Variants in FBXL13 observed in about 807,000 individuals in gnomAD.
The protein encoded by FBXL13 is F-box and leucine-rich repeat protein 13.
FBXL13 carries 67 observed loss-of-function variants against 83.6 expected under a neutral mutation model. That is an observed-to-expected ratio of 0.80 (90% CI 0.66 to 0.98). The LOEUF is 0.98. FBXL13 is among the 50% of genes least tolerant of loss of function. The pLI is 0.00. For missense variants in FBXL13, 822 were observed against 866.5 expected, an observed-to-expected ratio of 0.95 and a Z score of 0.64; for synonymous variants, 272 against 299.5, an observed-to-expected ratio of 0.91 and a Z score of 0.95.
intron 6 of FBXL13, among the ~76,000 whole-genome samples, chr7:103,005,467 A>T (rs187694995): frequency 7.2e-4 from 109 of 152,328 alleles, no homozygotes; most frequent in African/African-American, 2.6e-3. Context: ...TAGTCTGCTT[A>T]GGCTGCCATA....
chr7:102,930,021 TA>T (rs988789424), intron 9 of FBXL13, among the ~76,000 whole-genome samples: 6 of 151,948 alleles, frequency 3.9e-5, no homozygotes, highest in African/African-American at 1.2e-4. Flanking sequence ...CAGTTTGGGC[TA>T]GGGGTGGTGG....
chr7:102,938,816 T>C (rs1820826165), intron 8 of FBXL13, among the ~76,000 whole-genome samples: 1 of 152,230 alleles, frequency 6.6e-6, no homozygotes, highest in Non-Finnish European at 1.5e-5. Flanking sequence ...TTCCTGTGTT[T>C]TTCTAAGCCA....
At chr7:103,048,399 T>C (rs80117608) in intron 2 of FBXL13, among the ~76,000 whole-genome samples, 1 of 26,932 alleles carries the variant, frequency 3.7e-5, no homozygotes, top group Non-Finnish European at 2.8e-4. Flanking sequence ...CTTTCCTTTC[T>C]TTTTTTTTTT....
chr7:102,942,165 T>C (rs1217605109), intron 8 of FBXL13: 2 of 633,818 alleles, frequency 3.2e-6, no homozygotes, highest in Non-Finnish European at 5.6e-6. Context: ...AAATATTTAC[T>C]GAGCACCTAC....
intron 2 of FBXL13, 38 bp from the exon 4 acceptor site, chr7:103,029,456 A>T: frequency 5.3e-6 from 6 of 1,142,680 alleles, no homozygotes; most frequent in Non-Finnish European, 6.1e-6. Flanking sequence ...AAATATTAGA[A>T]ATAAATGGAA....
intron 17 of FBXL13, among the ~76,000 whole-genome samples, chr7:102,834,360 ACTT>A (rs1455792256): frequency 2.4e-4 from 36 of 147,176 alleles, no homozygotes; most frequent in East Asian, 2.0e-4. Context: ...TACTAAAGAT[ACTT>A]CTTATTTATA....
At chr7:102,898,408 A>G (rs925021625) in intron 11 of FBXL13, among the ~76,000 whole-genome samples, 6 of 151,654 alleles carry the variant, frequency 4.0e-5, no homozygotes, top group Non-Finnish European at 5.9e-5. Context: ...TGGCGCAATC[A>G]TGGCTCACCG....
chr7:103,068,955 C>T (rs1798651618), intron 1 of FBXL13, among the ~76,000 whole-genome samples: 1 of 152,242 alleles, frequency 6.6e-6, no homozygotes. Context: ...CCCACGGCCA[C>T]CACGCCATCT....
At chr7:103,039,157 G>C (rs1795395366) in intron 2 of FBXL13, among the ~76,000 whole-genome samples, 1 of 152,176 alleles carries the variant, frequency 6.6e-6, no homozygotes, top group South Asian at 2.1e-4. Context: ...ACCATGGCAT[G>C]AGAACTTCAT....
At chr7:102,829,325 C>CCT (rs1426740286) in intron 18 of FBXL13, among the ~76,000 whole-genome samples, 1 of 152,202 alleles carries the variant, frequency 6.6e-6, no homozygotes, top group East Asian at 1.9e-4. Flanking sequence ...CAGACTCAGA[C>CCT]AAGTTGGTAA....
intron 1 of FBXL13, among the ~76,000 whole-genome samples, chr7:103,072,466 A>G (rs1386228185): frequency 6.6e-6 from 1 of 152,144 alleles, no homozygotes; most frequent in African/African-American, 2.4e-5. Context: ...TAAGCTGGTA[A>G]GGAAGGAATG....
intron 13 of FBXL13, 24 bp downstream of exon 14, chr7:102,883,544 A>G (rs1484727872): frequency 6.3e-7 from 1 of 1,589,288 alleles, no homozygotes. Flanking sequence ...AATAATGCTG[A>G]ACCACATTTT....
In FBXL13 at chr7:102,813,364, CTGTA is replaced by C; in HGVS notation, c.2182_2185del (p.Tyr728AlafsTer35). On this transcript the variant is annotated frameshift_variant, in exon 20 of 20. Transcript: ENST00000313221. LOFTEE classifies it high-confidence loss of function. ...AGGTCACGCTGCTTGGTCTTCACTG[CTGTA>C]TGTTGACTTTTTCACTGTTAATTCT... The C allele has an allele frequency of 6.2e-7, 1 of 1,613,582 alleles. No individual in the cohort carries two copies. Among genetic ancestry groups the C allele is most frequent in the South Asian group, 1.1e-5 (1 of 90,936 alleles).
chr7:102,997,133 G>A (rs1446049097), intron 6 of FBXL13, among the ~76,000 whole-genome samples: 2 of 152,190 alleles, frequency 1.3e-5, no homozygotes, highest in South Asian at 4.2e-4. Flanking sequence ...TATAGTTATT[G>A]AAAGCTTGCC....
At chr7:102,822,315 C>T (rs1345074630) in intron 18 of FBXL13, 112 bp from the exon 20 acceptor site, 16 of 989,090 alleles carry the variant, frequency 1.6e-5, no homozygotes, top group Non-Finnish European at 2.4e-5. Context: ...GTGGCTTAAA[C>T]ATCAAACATT....
chr7:102,919,662 T>C (rs887884925), intron 10 of FBXL13, among the ~76,000 whole-genome samples: 3 of 152,192 alleles, frequency 2.0e-5, no homozygotes, highest in Non-Finnish European at 2.9e-5. Flanking sequence ...TCAAAGTTTA[T>C]GGACCAATAT....
intron 18 of FBXL13, among the ~76,000 whole-genome samples, chr7:102,824,177 T>G (rs1385764754): frequency 1.3e-5 from 2 of 152,212 alleles, no homozygotes; most frequent in African/African-American, 4.8e-5. Context: ...TGGAAACAAC[T>G]TTGCTGCATT....
At chr7:102,896,282 T>C (rs1248041885) in intron 11 of FBXL13, among the ~76,000 whole-genome samples, 1 of 152,136 alleles carries the variant, frequency 6.6e-6, no homozygotes, top group Non-Finnish European at 1.5e-5. Context: ...CTAGATATTA[T>C]GTTGAAAGTA....
intron 16 of FBXL13, among the ~76,000 whole-genome samples, chr7:102,866,731 G>T (rs1402318917): frequency 6.6e-6 from 1 of 152,206 alleles, no homozygotes; most frequent in African/African-American, 2.4e-5. Context: ...CCAGCCCAGA[G>T]CATAGCTGAG....
Sources: allele counts gnomAD v4.1 joint callset (sites outside exome capture counted in the v4.1 genomes callset), GRCh38; gene constraint gnomAD v4.1.1; transcripts MANE v1.5; gene names NCBI Gene and HGNC (gene_info 2026-07-23, HGNC 2026-07-21).